Variants in DNAH6 observed in about 807,000 individuals in gnomAD.
The protein encoded by DNAH6 is axonemal beta dynein heavy chain 6.
In DNAH6, 340 loss-of-function variants were observed where a neutral mutation model predicts 491.4. The ratio of observed to expected loss-of-function variants is 0.69; its 90% CI spans 0.63 to 0.76. The LOEUF (loss-of-function observed/expected upper bound fraction) is 0.76, where lower values mean the gene tolerates loss of function less well. Ranked by LOEUF, DNAH6 falls within the 30% of genes least tolerant of loss-of-function variation. DNAH6 has a pLI of 0.00. For synonymous variants in DNAH6, 1,603 were observed against 1,686.1 expected (o/e 0.95, Z 1.21); for missense variants, 4,443 against 4,972.2 (o/e 0.89, Z 3.20).
upstream of DNAH6, chr2:84,516,459 C>G (rs924996347): frequency 6.6e-6 from 1 of 152,202 alleles, no homozygotes; most frequent in African/African-American, 2.4e-5. Context: ...CGCAGTGCTT[C>G]CGTAGAGGCC....
chr2:84,799,765 G>T (rs1678707699), intron 70 of DNAH6, among the ~76,000 whole-genome samples: 1 of 152,226 alleles, frequency 6.6e-6, no homozygotes, highest in African/African-American at 2.4e-5. Context: ...AAAAGGAAAT[G>T]GGGGTGTGAT....
In DNAH6 at chr2:84,671,384, T is replaced by C. The variant is rs1041658802; in HGVS notation, c.6454+909T>C. Among the ~76,000 whole-genome samples the C allele has an allele frequency of 4.6e-5, 7 of 152,144 alleles. No homozygotes were observed. In the East Asian group the frequency reaches 1.4e-3, roughly 29 times the overall value. On this transcript the variant is annotated intron_variant, in intron 39 of 76. Transcript: ENST00000389394. ...TCTCCAGCAGTCCATCTGCACCCTC[T>C]TGCAGCTGGGGCCCCACTTGCTCAG...
intron 64 of DNAH6, among the ~76,000 whole-genome samples, chr2:84,766,331 T>C (rs1675070181): frequency 6.6e-6 from 1 of 152,188 alleles, no homozygotes; most frequent in Admixed American, 6.5e-5. Context: ...AGAAGACAGA[T>C]ATTTTCTCTG....
At chr2:84,672,063 G>A (rs1440107982) in intron 39 of DNAH6, among the ~76,000 whole-genome samples, 2 of 152,222 alleles carry the variant, frequency 1.3e-5, no homozygotes, top group Admixed American at 1.3e-4. Context: ...CTCCTTGCTG[G>A]AGAGAGGCCA....
chr2:84,497,002 G>A, the DNAH6 span, among the ~76,000 whole-genome samples: 5 of 138,790 alleles, frequency 3.6e-5, no homozygotes, highest in African/African-American at 8.3e-5. Context: ...ACGGAATCTC[G>A]CTCTGTCACC....
chr2:84,725,877 T>A (rs1439641149), intron 60 of DNAH6, among the ~76,000 whole-genome samples: 1 of 152,224 alleles, frequency 6.6e-6, no homozygotes, highest in Admixed American at 6.5e-5. Flanking sequence ...ATGGTTCTTG[T>A]CAGGTTGTTA....
intron 58 of DNAH6, among the ~76,000 whole-genome samples, chr2:84,717,751 C>T (rs997553843): frequency 6.6e-6 from 1 of 152,150 alleles, no homozygotes; most frequent in Admixed American, 6.5e-5. Context: ...AGGTAAGGCT[C>T]CTTTCTCATA....
At position 84,672,324 on chromosome 2, in the gene DNAH6, T is replaced by C. The variant is rs1253340940; in HGVS notation, c.6455-3T>C. 6 of 1,545,686 alleles carry C rather than the reference T, an allele frequency of 3.9e-6. No individual in the cohort carries two copies. The highest frequency in any genetic ancestry group is 5.2e-6 in the Non-Finnish European group (6 of 1,144,666). ...TTAAATTAAATTCATTTTATTTCCC[T>C]AGGAGCACCGGGAAACAAACGAATT... On this transcript the variant is annotated splice_region_variant and splice_polypyrimidine_tract_variant and intron_variant, in intron 39 of 76. Transcript: ENST00000389394.
At chr2:84,740,014 C>CTT (rs879926329) in intron 62 of DNAH6, among the ~76,000 whole-genome samples, 2 of 140,144 alleles carry the variant, frequency 1.4e-5, no homozygotes, top group Admixed American at 7.1e-5. Context: ...TGATACTTCT[C>CTT]TTTTTTTTTT....
intron 18 of DNAH6, among the ~76,000 whole-genome samples, chr2:84,601,713 ATTAT>A (rs1467302624): frequency 6.6e-6 from 1 of 151,886 alleles, no homozygotes; most frequent in Non-Finnish European, 1.5e-5. Flanking sequence ...ATTTAAAGTC[ATTAT>A]TTATACAGTT....
In DNAH6 at chr2:84,637,344, G is replaced by A. The variant is rs146868345; in HGVS notation, c.4788G>A (p.Ala1596=). Residue 1596 remains alanine (A), a synonymous_variant, in exon 31 of 77, where the codon GCG becomes GCA. Transcript: ENST00000389394. ...DNLKALFRPF[A]MMVPNYALIA... ...TGAAAGCCCTGTTTAGACCATTTGC[G>A]ATGATGGTTCCAAATTATGCCTTGA... 13 of 1,548,836 alleles carry A rather than the reference G, an allele frequency of 8.4e-6. No homozygotes were observed. The highest frequency in any genetic ancestry group is 1.1e-5 in the Non-Finnish European group (13 of 1,145,526).
At chr2:84,592,187 A>G (rs753902234) in intron 16 of DNAH6, among the ~76,000 whole-genome samples, 2 of 152,092 alleles carry the variant, frequency 1.3e-5, no homozygotes, top group African/African-American at 2.4e-5. Flanking sequence ...TGCAAATTAT[A>G]TACTTGATAA....
rs574328330 is a variant in DNAH6 at position 84,690,095 on chromosome 2, T to C, written c.7292+1502T>C. Among the ~76,000 whole-genome samples the C allele has an allele frequency of 2.2e-4, 33 of 152,340 alleles. 1 individual carries two copies. The South Asian group carries it at 6.8e-3, about 32-fold the overall frequency. On this transcript the variant is annotated intron_variant, in intron 45 of 76. Coordinates refer to ENST00000389394, the MANE Select transcript of DNAH6 (RefSeq NM_001370.2). ...TTGATATCATATTCTGTGGAATAAA[T>C]ACAGTAAAATACAGTGAGAGTAGGA...
chr2:84,522,937 T>A (rs1161975059), intron 2 of DNAH6, among the ~76,000 whole-genome samples: 3 of 152,140 alleles, frequency 2.0e-5, no homozygotes, highest in Non-Finnish European at 2.9e-5. Context: ...TTTGTGTGTG[T>A]GTGTCTCTGG....
chr2:84,696,086 A>G (rs1158456704), intron 46 of DNAH6, among the ~76,000 whole-genome samples: 1 of 151,994 alleles, frequency 6.6e-6, no homozygotes, highest in East Asian at 1.9e-4. Context: ...ATTGGCTGTA[A>G]CTTAACAAAT....
intron 12 of DNAH6, among the ~76,000 whole-genome samples, chr2:84,574,171 A>G (rs1573067183): frequency 1.3e-5 from 2 of 152,106 alleles, no homozygotes; most frequent in African/African-American, 4.8e-5. Flanking sequence ...ATCATGATGC[A>G]TGTCTTTCAT....
At chr2:84,642,978 C>T (rs538192882) in intron 33 of DNAH6, among the ~76,000 whole-genome samples, 9 of 152,206 alleles carry the variant, frequency 5.9e-5, no homozygotes, top group African/African-American at 2.2e-4. Flanking sequence ...CATGCTCTTC[C>T]TTTAGGTAGA....
intron 63 of DNAH6, among the ~76,000 whole-genome samples, chr2:84,759,432 C>T (rs1177359315): frequency 2.0e-5 from 3 of 152,044 alleles, no homozygotes; most frequent in Non-Finnish European, 4.4e-5. Context: ...CTGCTTGAAC[C>T]CAGGAGGCAG....
At position 84,694,269 on chromosome 2, in the gene DNAH6, A is replaced by G; in HGVS notation, c.7313A>G (p.Gln2438Arg). ...TGCAGGATTGCTCGGATGATACGTC[A>G]AGAAAGAGGCAATGCCCTGCTTGTT... ...HVSRIARMIR[Q>R]ERGNALLVGV... Residue 2438 changes from glutamine (Q) to arginine (R), a missense_variant, in exon 46 of 77, where the codon CAA becomes CGA. Around this residue, in one of 3 missense-constraint regions of DNAH6, gnomAD observed 2,977 missense variants for 3,296.6 expected, o/e 0.90. Transcript: ENST00000389394. The G allele has an allele frequency of 6.4e-7, 1 of 1,552,066 alleles. No homozygotes were observed. Among genetic ancestry groups the G allele is most frequent in the Non-Finnish European group, 8.7e-7 (1 of 1,147,054 alleles).
Sources: gnomAD v4.1 joint callset for allele counts (sites outside exome capture counted in the v4.1 genomes callset) on GRCh38, gnomAD v4.1.1 for gene constraint, gnomAD v4.1.1 regional missense constraint, MANE v1.5 for transcripts, NCBI Gene and HGNC (gene_info 2026-07-23, HGNC 2026-07-21) for gene names.